DPP10: variants seen among roughly 807,000 people sequenced by gnomAD.
The protein encoded by DPP10 is inactive dipeptidyl peptidase 10.
In DPP10, 33 loss-of-function variants were observed where a neutral mutation model predicts 120.9. The ratio of observed to expected loss-of-function variants is 0.27; its 90% confidence interval spans 0.21 to 0.37. The LOEUF is 0.37. Ranked by LOEUF, DPP10 falls within the 10% of genes least tolerant of loss-of-function variation. DPP10 has a pLI of 1.00. For synonymous variants in DPP10, 337 were observed against 326.1 expected (o/e 1.03, Z -0.36); for missense variants, 816 against 942.8 (o/e 0.87, Z 1.76).
chr2:115,393,676 T>G (rs960875507), intron 3 of DPP10, among the ~76,000 whole-genome samples: 17 of 152,328 alleles, frequency 1.1e-4, no homozygotes, highest in Admixed American at 7.2e-4. Context: ...TGTTACTTTC[T>G]CTACTACACA....
chr2:115,368,682 CTA>C (rs1345758829), intron 3 of DPP10, among the ~76,000 whole-genome samples: 3 of 151,762 alleles, frequency 2.0e-5, no homozygotes, highest in East Asian at 1.9e-4. Context: ...GATCAAGTGA[CTA>C]TGTGGTATAA....
At chr2:114,817,314 A>G (rs1440160729) in intron 1 of DPP10, among the ~76,000 whole-genome samples, 1 of 152,176 alleles carries the variant, frequency 6.6e-6, no homozygotes, top group Non-Finnish European at 1.5e-5. Flanking sequence ...AAAAAAAAAA[A>G]AAGGCTCACA....
chr2:115,212,498 T>C (rs1284953065), intron 1 of DPP10, among the ~76,000 whole-genome samples: 1 of 152,138 alleles, frequency 6.6e-6, no homozygotes, highest in African/African-American at 2.4e-5. Context: ...GAAAAGTCCA[T>C]GCTGGCACTC....
At chr2:115,711,570 T>C (rs2149572331) in intron 7 of DPP10, among the ~76,000 whole-genome samples, 1 of 152,250 alleles carries the variant, frequency 6.6e-6, no homozygotes, top group South Asian at 2.1e-4. Context: ...TTTGAAGTGC[T>C]AATCCTATAT....
At chr2:115,480,062 G>A (rs983242899) in intron 3 of DPP10, among the ~76,000 whole-genome samples, 3 of 152,114 alleles carry the variant, frequency 2.0e-5, no homozygotes, top group African/African-American at 4.8e-5. Flanking sequence ...ACCAGGTCGG[G>A]TGTGTGCTAT....
At chr2:114,665,336 C>T (rs1357176297) in intron 1 of DPP10, among the ~76,000 whole-genome samples, 1 of 152,136 alleles carries the variant, frequency 6.6e-6, no homozygotes, top group Non-Finnish European at 1.5e-5. Context: ...CCCTGCACAT[C>T]CTTCTCACCT....
chr2:114,897,618 C>G (rs958899897), intron 1 of DPP10, among the ~76,000 whole-genome samples: 2 of 151,520 alleles, frequency 1.3e-5, no homozygotes, highest in African/African-American at 2.4e-5. Flanking sequence ...GGCTAATATC[C>G]AGAATCTACA....
At chr2:115,826,575 G>T (rs1302098686) in intron 21 of DPP10, among the ~76,000 whole-genome samples, 1 of 152,126 alleles carries the variant, frequency 6.6e-6, no homozygotes, top group African/African-American at 2.4e-5. Context: ...ACAAAAATTA[G>T]CCGGGCATGA....
chr2:115,837,977 A>T (rs945599779), intron 24 of DPP10, among the ~76,000 whole-genome samples: 2 of 152,182 alleles, frequency 1.3e-5, no homozygotes, highest in Admixed American at 6.5e-5. Flanking sequence ...AAGAACACCA[A>T]CAAGAAAAAC....
chr2:115,094,605 A>G (rs1280130665), intron 1 of DPP10, among the ~76,000 whole-genome samples: 1 of 152,318 alleles, frequency 6.6e-6, no homozygotes, highest in East Asian at 1.9e-4. Flanking sequence ...TGGACCTAAA[A>G]TAATACCTGT....
At chr2:114,960,552 GA>G (rs1698537504) in intron 1 of DPP10, among the ~76,000 whole-genome samples, 1 of 151,938 alleles carries the variant, frequency 6.6e-6, no homozygotes, top group Non-Finnish European at 1.5e-5. Flanking sequence ...CCTGGAACAT[GA>G]AAAAACTAAA....
chr2:114,570,121 T>A (rs1260433651), intron 1 of DPP10, among the ~76,000 whole-genome samples: 1 of 152,190 alleles, frequency 6.6e-6, no homozygotes, highest in Non-Finnish European at 1.5e-5. Flanking sequence ...CAGCACCCCC[T>A]TTCCCACTTC....
intron 5 of DPP10, among the ~76,000 whole-genome samples, chr2:115,567,502 A>G (rs2081073339): frequency 6.6e-6 from 1 of 150,684 alleles, no homozygotes; most frequent in African/African-American, 2.4e-5. Flanking sequence ...TAGTCTGGAT[A>G]TCACTCCAAA....
At chr2:114,646,382 A>T in intron 1 of DPP10, among the ~76,000 whole-genome samples, 1 of 151,890 alleles carries the variant, frequency 6.6e-6, no homozygotes, top group South Asian at 2.1e-4. Flanking sequence ...GGAGGCCAAA[A>T]TGGTGGGAAT....
intron 5 of DPP10, among the ~76,000 whole-genome samples, chr2:115,568,553 C>CTTT (rs11404230): frequency 5.4e-5 from 8 of 147,778 alleles, no homozygotes; most frequent in South Asian, 2.1e-4. Context: ...TGAGGTTGAT[C>CTTT]TTTTTTTTTT....
chr2:115,791,427 A>G, intron 19 of DPP10, 71 bp downstream of exon 19: 1 of 1,333,490 alleles, frequency 7.5e-7, no homozygotes, highest in South Asian at 1.4e-5. Flanking sequence ...ACATGACAAC[A>G]TTTGATTCAA....
Position 114,492,986 on chromosome 2 carries a change from A to G in DPP10, c.60+50148A>G, listed in dbSNP as rs570788851. On this transcript the variant is annotated intron_variant, in intron 1 of 25. Coordinates refer to ENST00000410059, the MANE Select transcript of DPP10 (RefSeq NM_020868.6). Reference sequence around the variant, plus strand: ...TTCTAGTGGACACTAAGACAAGCACACAGGTACTATGAGAAATAGTAGAAA... The same window carrying G: ...TTCTAGTGGACACTAAGACAAGCACGCAGGTACTATGAGAAATAGTAGAAA... Among the ~76,000 whole-genome samples the G allele has an allele frequency of 1.1e-4, 17 of 152,334 alleles. No homozygotes were observed. The South Asian group carries it at 3.5e-3, about 32-fold the overall frequency.
intron 1 of DPP10, among the ~76,000 whole-genome samples, chr2:115,038,428 G>C (rs746563761): frequency 1.3e-5 from 2 of 151,652 alleles, no homozygotes; most frequent in African/African-American, 4.8e-5. Flanking sequence ...CCGCCACCAC[G>C]CCCGGCTAAT....
chr2:115,671,251 T>A (rs1458938457), intron 5 of DPP10, among the ~76,000 whole-genome samples: 1 of 151,984 alleles, frequency 6.6e-6, no homozygotes, highest in Non-Finnish European at 1.5e-5. Context: ...CATTTAATAT[T>A]TGAGTTCTGG....
Sources: gnomAD v4.1 joint callset for allele counts (sites outside exome capture counted in the v4.1 genomes callset) on GRCh38, gnomAD v4.1.1 for gene constraint, MANE v1.5 for transcripts, NCBI Gene and HGNC (gene_info 2026-07-23, HGNC 2026-07-21) for gene names.